CSNK1A1: variants seen among roughly 807,000 people sequenced by gnomAD.
CSNK1A1 encodes casein kinase I isoform alpha.
Under a neutral mutation model 46.1 loss-of-function variants are expected in CSNK1A1, and 7 were observed. The ratio of observed to expected loss-of-function variants is 0.15; its 90% CI spans 0.09 to 0.29. The LOEUF is 0.29. CSNK1A1 is among the 10% of genes least tolerant of loss of function. The probability of loss-of-function intolerance (pLI) is 1.00; values close to 1 mark genes in which losing one functional copy is unlikely to be tolerated. For missense variants in CSNK1A1, 96 were observed against 417.1 expected, an observed-to-expected ratio of 0.23 and a Z score of 6.71; for synonymous variants, 137 against 141.5, an observed-to-expected ratio of 0.97 and a Z score of 0.23.
At position 149,496,848 on chromosome 5, in the gene CSNK1A1, C is replaced by T. The variant is rs1270876730; in HGVS notation, c.*5G>A. The T allele has an allele frequency of 3.2e-6, 5 of 1,556,388 alleles. No homozygotes were observed. The highest frequency in any genetic ancestry group is 4.3e-6 in the Non-Finnish European group (5 of 1,151,914). On this transcript the variant is annotated 3_prime_UTR_variant, in exon 10 of 10. Coordinates refer to ENST00000377843, the MANE Select transcript of CSNK1A1 (RefSeq NM_001892.6). ...GCTCTGCTTCTTCTGTTCCTCAATT[C>T]ATGCTTAGAAACCTGGTAAAAAATC...
At chr5:149,529,607 G>A in intron 2 of CSNK1A1, 1 of 443,312 alleles carries the variant, frequency 2.3e-6, no homozygotes, top group Non-Finnish European at 4.6e-6. Flanking sequence ...GGCTTACCAG[G>A]CAGGGGCAAA....
chr5:149,503,307 G>A (rs993799280), intron 9 of CSNK1A1: 1 of 985,390 alleles, frequency 1.0e-6, no homozygotes, highest in Non-Finnish European at 1.2e-6. Context: ...CATGGTTTAT[G>A]AGAGTTTCAT....
At chr5:149,540,676 ACT>A (rs777074781) in intron 2 of CSNK1A1, among the ~76,000 whole-genome samples, 7 of 152,114 alleles carry the variant, frequency 4.6e-5, no homozygotes, top group Non-Finnish European at 8.8e-5. Flanking sequence ...TAAAACTAAC[ACT>A]GTCACAGAAT....
At chr5:149,500,295 G>A (rs560633782) in intron 9 of CSNK1A1, among the ~76,000 whole-genome samples, 4 of 151,896 alleles carry the variant, frequency 2.6e-5, no homozygotes, top group Admixed American at 2.6e-4. Flanking sequence ...CCGCCACCAC[G>A]CCCGGCTAAT....
At chr5:149,542,646 A>T (rs373011082) in intron 2 of CSNK1A1, among the ~76,000 whole-genome samples, 1 of 5,768 alleles carries the variant, frequency 1.7e-4, no homozygotes, top group African/African-American at 1.2e-3. Context: ...ATATGTATAT[A>T]TATATATATA....
At position 149,514,606 on chromosome 5, in the gene CSNK1A1, A is replaced by ATT. The variant is rs1761341833; in HGVS notation, c.457-1398_457-1397insAA. ...CCCTTTTGCCAGTTTATAATTTGTG[A>ATT]TGTGCTGGGAAACTTGATCACCTAA... is the stretch of plus-strand genomic sequence containing the variant. On this transcript the variant is annotated intron_variant, in intron 4 of 9. Coordinates refer to ENST00000377843, the MANE Select transcript of CSNK1A1 (RefSeq NM_001892.6). 2.0e-5 allele frequency among the ~76,000 whole-genome samples: 3 copies of ATT among 152,232 alleles called. No homozygotes were observed. In the South Asian group the frequency reaches 6.2e-4, roughly 32 times the overall value.
chr5:149,534,951 G>A (rs1166615930), intron 2 of CSNK1A1, among the ~76,000 whole-genome samples: 8 of 148,906 alleles, frequency 5.4e-5, no homozygotes, highest in Non-Finnish European at 1.0e-4. Context: ...AAAAGCAAGA[G>A]TTTCATATAT....
intron 2 of CSNK1A1, among the ~76,000 whole-genome samples, chr5:149,539,666 T>C (rs1459876212): frequency 6.6e-6 from 1 of 152,108 alleles, no homozygotes; most frequent in Non-Finnish European, 1.5e-5. Context: ...TCATGATACC[T>C]ACGTCATATC....
At chr5:149,527,530 C>T (rs1045878384) in intron 2 of CSNK1A1, among the ~76,000 whole-genome samples, 1 of 152,210 alleles carries the variant, frequency 6.6e-6, no homozygotes, top group African/African-American at 2.4e-5. Flanking sequence ...ACACCTTTCA[C>T]ATTCGCTGAA....
chr5:149,503,654 C>T (rs916740068), intron 9 of CSNK1A1: 1 of 985,330 alleles, frequency 1.0e-6, no homozygotes, highest in Non-Finnish European at 1.2e-6. Context: ...AGTTCTTTCC[C>T]CCGCCCCAAT....
chr5:149,529,033 T>C (rs533406285), intron 2 of CSNK1A1, among the ~76,000 whole-genome samples: 27 of 152,320 alleles, frequency 1.8e-4, no homozygotes, highest in African/African-American at 4.3e-4. Flanking sequence ...GATGTGCATA[T>C]TGCAGGTACT....
rs1224953108 is a variant in CSNK1A1 at position 149,496,780 on chromosome 5, A to G, written c.*73T>C. On this transcript the variant is annotated 3_prime_UTR_variant, in exon 10 of 10. Transcript: ENST00000377843. ...ACTGGCTAGTGTACATATGAACTAA[A>G]ATTTCTAGATTTGGGGAGAAACAAA... is the stretch of plus-strand genomic sequence containing the variant. 1.2e-5 allele frequency: 19 copies of G among 1,533,202 alleles called. No individual in the cohort carries two copies. Among genetic ancestry groups the G allele is most frequent in the Non-Finnish European group, 1.6e-5 (18 of 1,143,218 alleles). 95.0% of individuals were successfully genotyped at this position (1,533,202 alleles called of 1,614,324 possible).
At chr5:149,509,312 A>C (rs1397021378) in intron 7 of CSNK1A1, among the ~76,000 whole-genome samples, 2 of 152,200 alleles carry the variant, frequency 1.3e-5, no homozygotes, top group Admixed American at 1.3e-4. Context: ...GTGAATAGCT[A>C]CCTAATTCAA....
intron 2 of CSNK1A1, among the ~76,000 whole-genome samples, chr5:149,532,666 C>T (rs747806280): frequency 1.3e-5 from 2 of 152,024 alleles, no homozygotes; most frequent in Non-Finnish European, 2.9e-5. Context: ...TCCAGCCTGG[C>T]GGTAAGAGCA....
intron 3 of CSNK1A1, among the ~76,000 whole-genome samples, chr5:149,521,917 G>C (rs558940472): frequency 1.3e-5 from 2 of 151,930 alleles, no homozygotes; most frequent in South Asian, 4.2e-4. Flanking sequence ...CCTTCTATGA[G>C]GATTTACTCT....
chr5:149,511,578 T>C (rs745779709), intron 6 of CSNK1A1, among the ~76,000 whole-genome samples: 4 of 152,178 alleles, frequency 2.6e-5, no homozygotes, highest in Admixed American at 1.3e-4. Flanking sequence ...CAGCTTACTG[T>C]CTCTTAGAGG....
At chr5:149,542,686 A>T (rs1561772846) in intron 2 of CSNK1A1, among the ~76,000 whole-genome samples, 240 of 18,918 alleles carry the variant, frequency 0.013, 29 homozygotes, top group Admixed American at 0.022. Flanking sequence ...ATATATATAT[A>T]TATATATTTT....
At chr5:149,503,695 C>G in intron 9 of CSNK1A1, 1 of 985,428 alleles carries the variant, frequency 1.0e-6, no homozygotes, top group Non-Finnish European at 1.2e-6. Flanking sequence ...AACTTCTCAT[C>G]TTTAAGACAT....
intron 2 of CSNK1A1, among the ~76,000 whole-genome samples, chr5:149,528,328 A>C (rs1761784051): frequency 6.6e-6 from 1 of 152,226 alleles, no homozygotes; most frequent in Non-Finnish European, 1.5e-5. Flanking sequence ...GTTCTAAAAC[A>C]GCTAGGACTT....
Sources: gnomAD v4.1 joint callset for allele counts (sites outside exome capture counted in the v4.1 genomes callset) on GRCh38, gnomAD v4.1.1 for gene constraint, MANE v1.5 for transcripts, NCBI Gene and HGNC (gene_info 2026-07-23, HGNC 2026-07-21) for gene names.